The following QRICH1 variants were observed in gnomAD, a reference collection of about 807,000 sequenced individuals.
QRICH1 encodes transcriptional regulator QRICH1.
Under a neutral mutation model 87.1 loss-of-function variants are expected in QRICH1, and 16 were observed. The ratio of observed to expected loss-of-function variants is 0.18; its 90% CI spans 0.12 to 0.28. The LOEUF is 0.28. Among genes scored for constraint, QRICH1 ranks in the 10% least tolerant of loss-of-function variants. The probability of loss-of-function intolerance (pLI) is 1.00; values close to 1 mark genes in which losing one functional copy is unlikely to be tolerated. For synonymous variants in QRICH1, 367 were observed against 368.4 expected, an observed-to-expected ratio of 1.00 and a Z score of 0.05; for missense variants, 647 against 951.7, an observed-to-expected ratio of 0.68 and a Z score of 4.21.
chr3:49,032,432 C>A, intron 8 of QRICH1, 159 bp from the exon 9 acceptor site: 1 of 854,360 alleles, frequency 1.2e-6, no homozygotes, highest in South Asian at 1.7e-5. Flanking sequence ...AGGGAAGAGG[C>A]AGCTATTCTG....
At chr3:49,093,289 C>G (rs550321926) in intron 1 of QRICH1, 1 of 152,158 alleles carries the variant, frequency 6.6e-6, no homozygotes, top group East Asian at 1.9e-4. Context: ...TCGAGGAGAA[C>G]GGGCAATCTC....
At chr3:49,084,095 C>T (rs1027138973) in intron 1 of QRICH1, among the ~76,000 whole-genome samples, 6 of 152,128 alleles carry the variant, frequency 3.9e-5, no homozygotes, top group African/African-American at 1.4e-4. Context: ...CCACCGCACC[C>T]GGCCCACATC....
Position 49,093,893 on chromosome 3 carries a change from C to T in QRICH1, c.-22+19G>A. 1 of 387,706 alleles carries T rather than the reference C, an allele frequency of 2.6e-6. No homozygotes were observed. The highest frequency in any genetic ancestry group is 4.6e-6 in the Non-Finnish European group (1 of 219,766). 24.0% of individuals were successfully genotyped at this position (387,706 alleles called of 1,614,324 possible). A position where few individuals can be genotyped will look rare whatever the true frequency, so the allele number is the denominator to read the frequency against. ...GGCCTACAGCTTCGCCGCATCCCCA[C>T]CCGCACTGGAGCCCTCACCCGGCGA... On this transcript the variant is annotated intron_variant, in intron 1 of 9. Coordinates refer to ENST00000395443, the MANE Select transcript of QRICH1 (RefSeq NM_198880.3).
chr3:49,056,890 T>C lies in QRICH1; in HGVS notation c.1310A>G (p.Gln437Arg), dbSNP rs2093405417. The change falls in exon 3 of 10, where the codon CAG becomes CGG. Residue 437 changes from glutamine to arginine, a missense_variant. By Grantham distance (43) the Gln-to-Arg change is conservative. Coordinates refer to ENST00000395443, the MANE Select transcript of QRICH1 (RefSeq NM_198880.3). ...PQEQTPPPQQ[Q>R]QQQLQVTCSA... ...ACAAGTAACTTGGAGTTGCTGCTGC[T>C]GCTGCTGTGGTGGTGGTGTCTGTTC... 6.2e-7 allele frequency: 1 copy of C among 1,614,164 alleles called. No individual in the cohort carries two copies. The highest frequency in any genetic ancestry group is 2.2e-5 in the East Asian group (1 of 44,884).
chr3:49,055,714 C>G (rs767951466), intron 3 of QRICH1, among the ~76,000 whole-genome samples: 2 of 152,134 alleles, frequency 1.3e-5, no homozygotes, highest in Non-Finnish European at 2.9e-5. Flanking sequence ...CTATGTTGCC[C>G]CAGGTTGGAG....
At chr3:49,071,025 G>C (rs1319204917) in intron 2 of QRICH1, among the ~76,000 whole-genome samples, 1 of 150,684 alleles carries the variant, frequency 6.6e-6, no homozygotes, top group Non-Finnish European at 1.5e-5. Context: ...AGTTTATCTT[G>C]AACATAAAGT....
At chr3:49,045,726 A>T (rs1016662939) in intron 5 of QRICH1, among the ~76,000 whole-genome samples, 4 of 151,968 alleles carry the variant, frequency 2.6e-5, no homozygotes, top group Admixed American at 1.3e-4. Flanking sequence ...CAGCCTCCCA[A>T]GTAGCTGGGA....
At chr3:49,042,802 A>G (rs2093318173) in intron 6 of QRICH1, among the ~76,000 whole-genome samples, 2 of 151,854 alleles carry the variant, frequency 1.3e-5, no homozygotes, top group Admixed American at 6.6e-5. Flanking sequence ...TGAACTCCCA[A>G]TATTCAGTGA....
chr3:49,051,586 C>A lies in QRICH1; in HGVS notation c.1339-4340G>T, dbSNP rs1473258907. 6.3e-4 allele frequency among the ~76,000 whole-genome samples: 24 copies of A among 38,308 alleles called. No individual in the cohort carries two copies. The East Asian group carries it at 0.082, about 131-fold the overall frequency. 25.1% of individuals were successfully genotyped at this position (38,308 alleles called of 152,430 possible). ...CTCCAAGCTAGAACCCCCCCTGCGC[C>A]CCCCCCCCCCTCCGCTTAATATACC... On this transcript the variant is annotated intron_variant, in intron 3 of 9. Coordinates refer to ENST00000395443, the MANE Select transcript of QRICH1 (RefSeq NM_198880.3).
chr3:49,093,980 A>G lies in QRICH1; in HGVS notation c.-90T>C, dbSNP rs2042332854. 2.5e-6 allele frequency: 1 copy of G among 402,518 alleles called. No individual in the cohort carries two copies. The highest frequency in any genetic ancestry group is 3.5e-5 in the East Asian group (1 of 28,212). 24.9% of individuals were successfully genotyped at this position (402,518 alleles called of 1,614,324 possible). A position where few individuals can be genotyped will look rare whatever the true frequency, so the allele number is the denominator to read the frequency against. ...CGCCGGCCCCGCCGCACCGCCAGGG[A>G]CCCTGGTTCTGCCGTCGTCGCTCCA... On this transcript the variant is annotated 5_prime_UTR_variant, in exon 1 of 10. Transcript: ENST00000395443.
intron 1 of QRICH1, among the ~76,000 whole-genome samples, chr3:49,088,618 GTTTTT>G (rs1206382284): frequency 1.1e-5 from 1 of 93,178 alleles, no homozygotes; most frequent in Non-Finnish European, 2.2e-5. Context: ...GCTTTTGTCT[GTTTTT>G]TTTTTTTTTT....
At chr3:49,037,057 C>T (rs990471976) in intron 6 of QRICH1, among the ~76,000 whole-genome samples, 15 of 122,724 alleles carry the variant, frequency 1.2e-4, no homozygotes, top group Admixed American at 1.0e-3. Flanking sequence ...GGTGATAAAT[C>T]GAGACCCCCG....
At chr3:49,033,088 G>T in intron 7 of QRICH1, 32 bp downstream of exon 7, 1 of 1,411,126 alleles carries the variant, frequency 7.1e-7, no homozygotes, top group Non-Finnish European at 9.5e-7. Context: ...TCACTGGACA[G>T]ATGCCAGCAG....
At chr3:49,041,174 T>C (rs1180155724) in intron 6 of QRICH1, among the ~76,000 whole-genome samples, 1 of 152,130 alleles carries the variant, frequency 6.6e-6, no homozygotes, top group East Asian at 1.9e-4. Context: ...TTCCCCATAT[T>C]GGCCAGGCTG....
At chr3:49,074,899 A>T (rs1182919669) in intron 2 of QRICH1, among the ~76,000 whole-genome samples, 2 of 151,916 alleles carry the variant, frequency 1.3e-5, no homozygotes, top group Admixed American at 6.6e-5. Context: ...GAATGGCGTG[A>T]ACCTGGGAGG....
At chr3:49,039,621 A>G (rs2106836865) in intron 6 of QRICH1, among the ~76,000 whole-genome samples, 1 of 149,976 alleles carries the variant, frequency 6.7e-6, no homozygotes, top group Non-Finnish European at 1.5e-5. Flanking sequence ...TCCATCTCAA[A>G]AAAAAAAAAA....
chr3:49,077,845 G>C (rs1426969479), intron 1 of QRICH1, among the ~76,000 whole-genome samples: 1 of 151,956 alleles, frequency 6.6e-6, no homozygotes, highest in Non-Finnish European at 1.5e-5. Flanking sequence ...AATAATTCTG[G>C]AAAAAAGGTA....
chr3:49,082,865 A>G (rs2042089169), intron 1 of QRICH1, among the ~76,000 whole-genome samples: 1 of 149,748 alleles, frequency 6.7e-6, no homozygotes, highest in African/African-American at 2.5e-5. Flanking sequence ...ACTGCACTCC[A>G]GCCTGGGCGA....
At chr3:49,064,219 C>T (rs2093452757) in intron 2 of QRICH1, among the ~76,000 whole-genome samples, 1 of 150,274 alleles carries the variant, frequency 6.7e-6, no homozygotes, top group African/African-American at 2.4e-5. Flanking sequence ...GCGTGAGCCA[C>T]CATGGCTGGC....
Sources: allele counts gnomAD v4.1 joint callset (sites outside exome capture counted in the v4.1 genomes callset), GRCh38; gene constraint gnomAD v4.1.1; transcripts MANE v1.5; gene names NCBI Gene and HGNC (gene_info 2026-07-23, HGNC 2026-07-21).